The following NOX4 variants were observed in gnomAD, a reference collection of about 807,000 sequenced individuals.
The protein encoded by NOX4 is kidney oxidase-1.
A neutral mutation model predicts 87.6 loss-of-function variants in NOX4; 69 were observed. The ratio of observed to expected loss-of-function variants is 0.79; its 90% CI spans 0.65 to 0.96. NOX4 has a LOEUF of 0.96. Ranked by LOEUF, NOX4 falls within the 40% of genes least tolerant of loss-of-function variation. The probability of loss-of-function intolerance (pLI) is 0.00; values close to 1 mark genes in which losing one functional copy is unlikely to be tolerated. For synonymous variants in NOX4, 275 were observed against 238.2 expected (o/e 1.15, Z -1.42); for missense variants, 680 against 681.5 (o/e 1.00, Z 0.02).
At chr11:89,368,091 C>A (rs938295865) in intron 12 of NOX4, among the ~76,000 whole-genome samples, 5 of 151,974 alleles carry the variant, frequency 3.3e-5, no homozygotes, top group African/African-American at 9.7e-5. Context: ...TCATTCTCAT[C>A]ATTCAAATAA....
chr11:89,517,792 A>G, the NOX4 span, among the ~76,000 whole-genome samples: 1 of 152,152 alleles, frequency 6.6e-6, no homozygotes, highest in Non-Finnish European at 1.5e-5. Flanking sequence ...GAGGAAATAA[A>G]CACCATTAAA....
chr11:89,429,117 C>A lies in NOX4; in HGVS notation c.548+3667G>T, dbSNP rs563532871. Among the ~76,000 whole-genome samples, 88 of 152,190 alleles carry A rather than the reference C, an allele frequency of 5.8e-4. No individual in the cohort carries two copies. The East Asian group carries it at 0.015, about 26-fold the overall frequency. ...CCTGCTCCTGAATGACTACTGGGTA[C>A]ATAACAAAATGAAGGCAGAAATAAA... is the stretch of plus-strand genomic sequence containing the variant. On this transcript the variant is annotated intron_variant, in intron 7 of 17. Coordinates refer to ENST00000263317, the MANE Select transcript of NOX4 (RefSeq NM_016931.5).
the NOX4 span, among the ~76,000 whole-genome samples, chr11:89,574,723 T>C: frequency 1.3e-5 from 2 of 152,216 alleles, no homozygotes; most frequent in African/African-American, 4.8e-5. Context: ...AAACAAATTA[T>C]TCACTTTACT....
chr11:89,360,690 T>G (rs547107782), intron 12 of NOX4, among the ~76,000 whole-genome samples: 2 of 152,028 alleles, frequency 1.3e-5, no homozygotes, highest in African/African-American at 4.8e-5. Flanking sequence ...GCTTATATTC[T>G]CAAACTTTGC....
At chr11:89,388,890 T>C (rs547470763) in intron 11 of NOX4, among the ~76,000 whole-genome samples, 2 of 152,286 alleles carry the variant, frequency 1.3e-5, no homozygotes, top group East Asian at 1.9e-4. Context: ...GCACCACACA[T>C]ACCACTTAAT....
chr11:89,455,326 C>T (rs1945141514), intron 2 of NOX4, among the ~76,000 whole-genome samples: 1 of 152,020 alleles, frequency 6.6e-6, no homozygotes, highest in South Asian at 2.1e-4. Context: ...AGCAGAAGCC[C>T]CAAAGGTACC....
intron 2 of NOX4, among the ~76,000 whole-genome samples, chr11:89,459,648 T>C (rs564632452): frequency 6.6e-6 from 1 of 151,582 alleles, no homozygotes; most frequent in East Asian, 1.9e-4. Flanking sequence ...CACTGCTCAA[T>C]GAAATAAAAG....
In NOX4 at chr11:89,460,149, C is replaced by T. The variant is rs143159754; in HGVS notation, c.154-8254G>A. Among the ~76,000 whole-genome samples, 1,067 of 152,178 alleles carry T rather than the reference C, an allele frequency of 7.0e-3. 13 individuals are homozygous for T. Among genetic ancestry groups the T allele is most frequent in the African/African-American group, 0.024 (1,007 of 41,520 alleles). On this transcript the variant is annotated intron_variant, in intron 2 of 17. Transcript: ENST00000263317. ...CTGGATCCCTTCCTTACACCTTATA[C>T]AAAAATTAATTCAAGATGGATTAAA...
chr11:89,509,396 A>T, the NOX4 span, among the ~76,000 whole-genome samples: 1 of 152,138 alleles, frequency 6.6e-6, no homozygotes, highest in East Asian at 1.9e-4. Flanking sequence ...TCTAATTGCC[A>T]TTTATAATGG....
At chr11:89,388,726 G>T (rs1297354709) in intron 11 of NOX4, among the ~76,000 whole-genome samples, 1 of 152,110 alleles carries the variant, frequency 6.6e-6, no homozygotes, top group Non-Finnish European at 1.5e-5. Flanking sequence ...TCAAATGACT[G>T]TTTCTACACC....
intron 5 of NOX4, chr11:89,443,401 A>AGGGGG (rs1024457788): frequency 6.7e-6 from 1 of 150,046 alleles, no homozygotes; most frequent in African/African-American, 2.5e-5. Context: ...CAGGAAAATA[A>AGGGGG]GGGGGGGGGA....
intron 6 of NOX4, among the ~76,000 whole-genome samples, chr11:89,433,347 T>C (rs1247384089): frequency 6.6e-6 from 1 of 152,090 alleles, no homozygotes; most frequent in Non-Finnish European, 1.5e-5. Flanking sequence ...CCATTTTTTT[T>C]AATTCCCAAA....
intron 2 of NOX4, among the ~76,000 whole-genome samples, chr11:89,469,414 G>T (rs1002713987): frequency 6.6e-6 from 1 of 152,138 alleles, no homozygotes. Context: ...ATTGGTGTTT[G>T]TCTAAAAATA....
At chr11:89,526,127 A>G in the NOX4 span, among the ~76,000 whole-genome samples, 1 of 152,208 alleles carries the variant, frequency 6.6e-6, no homozygotes, top group Non-Finnish European at 1.5e-5. Flanking sequence ...AGCAGCTTGT[A>G]TAAGTTCTGC....
chr11:89,377,805 T>C (rs1352167886), intron 11 of NOX4, among the ~76,000 whole-genome samples: 1 of 152,182 alleles, frequency 6.6e-6, no homozygotes, highest in Non-Finnish European at 1.5e-5. Context: ...TCTTTAATCA[T>C]TTTTGTTGTC....
At chr11:89,471,918 T>A (rs1011503186) in intron 2 of NOX4, among the ~76,000 whole-genome samples, 14 of 152,300 alleles carry the variant, frequency 9.2e-5, no homozygotes, top group Non-Finnish European at 1.8e-4. Context: ...ATTTCTTGTG[T>A]TTTTAGCAGA....
Position 89,326,809 on chromosome 11 carries a change from G to A in NOX4, c.1684C>T (p.Gln562Ter), listed in dbSNP as rs1401282785. ...AATCTTGTCCCATATGAGTTGTTCT[G>A]GTTACTCAGTTTATGAAGAGTCTTG... is the stretch of plus-strand genomic sequence containing the variant. ...LSKTLHKLSN[Q>*]NNSYGTRFEY... Residue 562 changes from glutamine to a stop codon, truncating the protein, a stop_gained, in exon 18 of 18, where the codon CAG becomes TAG. Transcript: ENST00000263317. LOFTEE classifies it high-confidence loss of function. 1 of 1,613,046 alleles carries A rather than the reference G, an allele frequency of 6.2e-7. No individual in the cohort carries two copies. Among genetic ancestry groups the A allele is most frequent in the East Asian group, 2.2e-5 (1 of 44,776 alleles).
intron 2 of NOX4, among the ~76,000 whole-genome samples, chr11:89,464,724 C>T (rs1235937209): frequency 2.6e-5 from 4 of 152,094 alleles, no homozygotes; most frequent in Non-Finnish European, 5.9e-5. Flanking sequence ...ACAAGTCCCA[C>T]CTGTCAAGGT....
rs200803291 is a variant in NOX4 at position 89,449,545 on chromosome 11, A to G, written c.265-21T>C. 20 of 1,574,310 alleles carry G rather than the reference A, an allele frequency of 1.3e-5. No homozygotes were observed. The Admixed American group carries it at 2.2e-4, about 17-fold the overall frequency. ...GGAACCTAAACAAAAATCATTTAATATGGTAAAAATAATGCAACAAATGTG... is the reference window on the plus strand; with the variant it reads ...GGAACCTAAACAAAAATCATTTAATGTGGTAAAAATAATGCAACAAATGTG... On this transcript the variant is annotated intron_variant, in intron 3 of 17. Coordinates refer to ENST00000263317, the MANE Select transcript of NOX4 (RefSeq NM_016931.5).
Sources: gnomAD v4.1 joint callset for allele counts (sites outside exome capture counted in the v4.1 genomes callset) on GRCh38, gnomAD v4.1.1 for gene constraint, MANE v1.5 for transcripts, NCBI Gene and HGNC (gene_info 2026-07-23, HGNC 2026-07-21) for gene names.